The following CNGB1 variants were observed in gnomAD, a reference collection of about 807,000 sequenced individuals.
The protein encoded by CNGB1 is cyclic nucleotide gated channel subunit beta 1.
In CNGB1, 126 loss-of-function variants were observed where a neutral mutation model predicts 151.7. That is an observed-to-expected ratio of 0.83 (90% CI 0.72 to 0.96). The LOEUF is 0.96. Among genes scored for constraint, CNGB1 ranks in the 40% least tolerant of loss-of-function variants. The pLI is 0.00. For missense variants in CNGB1, 1,698 were observed against 1,627.0 expected (o/e 1.04, Z -0.75); for synonymous variants, 623 against 635.1 (o/e 0.98, Z 0.29).
intron 16 of CNGB1, among the ~76,000 whole-genome samples, chr16:57,936,579 T>C (rs1200587915): frequency 6.6e-6 from 1 of 152,094 alleles, no homozygotes; most frequent in Non-Finnish European, 1.5e-5. Flanking sequence ...GATCATTTGA[T>C]ATCAGGAGTT....
At chr16:57,960,362 C>G in intron 9 of CNGB1, 120 bp downstream of exon 9, 1 of 1,357,404 alleles carries the variant, frequency 7.4e-7, no homozygotes, top group South Asian at 1.2e-5. Flanking sequence ...AAGCCCTGAA[C>G]CCCGTCCTAG....
intron 2 of CNGB1, among the ~76,000 whole-genome samples, chr16:57,965,986 C>T (rs183525137): frequency 7.2e-5 from 11 of 152,266 alleles, no homozygotes; most frequent in African/African-American, 2.6e-4. Flanking sequence ...CATACGCACA[C>T]CCTATACCTG....
intron 10 of CNGB1, 38 bp downstream of exon 10, chr16:57,959,850 G>C: frequency 6.8e-7 from 1 of 1,468,752 alleles, no homozygotes. Context: ...TGCTCATCCT[G>C]CTCCCTGGTG....
chr16:57,905,891 C>T (rs1238221408), intron 25 of CNGB1, among the ~76,000 whole-genome samples: 1 of 152,250 alleles, frequency 6.6e-6, no homozygotes, highest in African/African-American at 2.4e-5. Flanking sequence ...AAATAAGTTT[C>T]TGTTCTTTAT....
intron 10 of CNGB1, among the ~76,000 whole-genome samples, chr16:57,958,777 T>C (rs1962157705): frequency 1.5e-5 from 2 of 134,340 alleles, no homozygotes; most frequent in African/African-American, 5.7e-5. Context: ...TGGCAATACC[T>C]GTCCCGATTT....
chr16:57,936,795 C>CAAAAAAAAAAAAAAAA (rs1181991556), intron 16 of CNGB1, among the ~76,000 whole-genome samples: 1 of 99,084 alleles, frequency 1.0e-5, no homozygotes, highest in African/African-American at 6.6e-5. Context: ...AAAAAACAAA[C>CAAAAAAAAAAAAAAAA]AAACAAAAAA....
chr16:57,910,620 C>T (rs560085165), intron 25 of CNGB1, among the ~76,000 whole-genome samples: 2 of 151,496 alleles, frequency 1.3e-5, no homozygotes, highest in African/African-American at 4.8e-5. Flanking sequence ...GTGATCTGCC[C>T]GCCTCAGCCT....
Position 57,967,250 on chromosome 16 carries a change from G to T in CNGB1, c.37C>A (p.Pro13Thr). 2 of 1,614,150 alleles carry T rather than the reference G, an allele frequency of 1.2e-6. No individual in the cohort carries two copies. The highest frequency in any genetic ancestry group is 1.7e-6 in the Non-Finnish European group (2 of 1,180,032). Residue 13 changes from proline to threonine, a missense_variant, in exon 2 of 33, where the codon CCA becomes ACA. Coordinates refer to ENST00000251102, the MANE Select transcript of CNGB1 (RefSeq NM_001297.5). ...GWVQRVLPQPPGTPRKTKMQE... is the reference protein window; with the variant it reads ...GWVQRVLPQPTGTPRKTKMQE... ...ATCTTGGTCTTCCGAGGGGTCCCTG[G>T]GGGCTGAGGCAGCACCCTCTGGACC...
intron 14 of CNGB1, among the ~76,000 whole-genome samples, chr16:57,942,834 G>A (rs1389688807): frequency 6.7e-5 from 10 of 149,822 alleles, no homozygotes; most frequent in African/African-American, 2.5e-4. Flanking sequence ...CTGTACTCCA[G>A]CCTGGGCAAC....
intron 14 of CNGB1, among the ~76,000 whole-genome samples, chr16:57,947,732 G>GT (rs1400230300): frequency 6.6e-6 from 1 of 152,180 alleles, no homozygotes; most frequent in Non-Finnish European, 1.5e-5. Context: ...CTGAAATCCT[G>GT]TTTAACTATT....
At chr16:57,887,619 G>A (rs183580479) in intron 32 of CNGB1, among the ~76,000 whole-genome samples, 6 of 152,110 alleles carry the variant, frequency 3.9e-5, no homozygotes, top group African/African-American at 9.6e-5. Context: ...GGCATCTTTC[G>A]GGCTTTTGGA....
intron 3 of CNGB1, 119 bp downstream of exon 3, chr16:57,964,368 C>G: frequency 7.0e-7 from 1 of 1,431,658 alleles, no homozygotes; most frequent in African/African-American, 1.4e-5. Context: ...CTTAGCTTCT[C>G]TGAGTCTCAG....
At chr16:57,895,811 G>A (rs1167246760) in intron 31 of CNGB1, among the ~76,000 whole-genome samples, 1 of 152,098 alleles carries the variant, frequency 6.6e-6, no homozygotes, top group Non-Finnish European at 1.5e-5. Flanking sequence ...AGTAAGCAAG[G>A]AAGTGCTAAA....
intron 29 of CNGB1, among the ~76,000 whole-genome samples, chr16:57,899,329 A>AT (rs1379118081): frequency 4.1e-4 from 62 of 150,472 alleles, no homozygotes; most frequent in Non-Finnish European, 5.7e-4. Context: ...ACAGAAAAAA[A>AT]AAATAATAAT....
intron 21 of CNGB1, 89 bp downstream of exon 21, chr16:57,917,179 T>G: frequency 9.4e-7 from 1 of 1,063,090 alleles, no homozygotes; most frequent in Non-Finnish European, 1.4e-6. Context: ...TATTTTGTCA[T>G]CTATGACAGC....
At chr16:57,961,074 G>A (rs1042268975) in intron 7 of CNGB1, among the ~76,000 whole-genome samples, 159 bp from the exon 8 acceptor site, 19 of 152,278 alleles carry the variant, frequency 1.2e-4, no homozygotes, top group Non-Finnish European at 2.2e-4. Flanking sequence ...GGCCCCAAGC[G>A]GGTGGGGAAA....
At chr16:57,938,913 C>G (rs1473678791) in intron 16 of CNGB1, among the ~76,000 whole-genome samples, 1 of 152,170 alleles carries the variant, frequency 6.6e-6, no homozygotes, top group Non-Finnish European at 1.5e-5. Flanking sequence ...GTGCTGGGTA[C>G]AGCTGGAGAT....
chr16:57,945,469 C>G (rs1157730716), intron 14 of CNGB1, among the ~76,000 whole-genome samples: 1 of 152,224 alleles, frequency 6.6e-6, no homozygotes, highest in African/African-American at 2.4e-5. Context: ...CAAGTCACCT[C>G]GAAGCCCTTG....
chr16:57,900,086 C>A (rs956340246), intron 29 of CNGB1, among the ~76,000 whole-genome samples: 8 of 152,334 alleles, frequency 5.3e-5, no homozygotes, highest in Middle Eastern at 3.4e-3. Flanking sequence ...TCAGCCCTCA[C>A]AACCACCCCA....
Sources: allele counts gnomAD v4.1 joint callset (sites outside exome capture counted in the v4.1 genomes callset), GRCh38; gene constraint gnomAD v4.1.1; transcripts MANE v1.5; gene names NCBI Gene and HGNC (gene_info 2026-07-23, HGNC 2026-07-21).